UBE2G1: variants seen among roughly 807,000 people sequenced by gnomAD.
UBE2G1 encodes the protein ubiquitin-conjugating enzyme E2 G1.
UBE2G1 carries 5 observed loss-of-function variants against 22.7 expected under a neutral mutation model. The observed-to-expected ratio is 0.22, with a 90% CI of 0.12 to 0.46. UBE2G1 has a LOEUF of 0.46. Ranked by LOEUF, UBE2G1 falls within the 20% of genes least tolerant of loss-of-function variation. The pLI is 0.99. For synonymous variants in UBE2G1, 74 were observed against 67.5 expected (o/e 1.10, Z -0.47); for missense variants, 88 against 203.9 (o/e 0.43, Z 3.46).
At chr17:4,340,457 C>T (rs1488654283) in intron 1 of UBE2G1, among the ~76,000 whole-genome samples, 1 of 152,168 alleles carries the variant, frequency 6.6e-6, no homozygotes, top group South Asian at 2.1e-4. Flanking sequence ...ACTACAATTA[C>T]ATGTTGAGGG....
At chr17:4,313,140 A>C (rs900725468) in intron 1 of UBE2G1, among the ~76,000 whole-genome samples, 1 of 152,240 alleles carries the variant, frequency 6.6e-6, no homozygotes, top group Non-Finnish European at 1.5e-5. Context: ...AGATATAAAC[A>C]AAGAGGTATA....
intron 1 of UBE2G1, among the ~76,000 whole-genome samples, chr17:4,338,207 T>C (rs1969671846): frequency 6.6e-6 from 1 of 151,494 alleles, no homozygotes; most frequent in Admixed American, 6.6e-5. Context: ...GCGCTATATT[T>C]TGATGGGAGG....
At chr17:4,355,727 G>A (rs1157692254) in intron 1 of UBE2G1, among the ~76,000 whole-genome samples, 7 of 144,164 alleles carry the variant, frequency 4.9e-5, no homozygotes, top group African/African-American at 1.5e-4. Context: ...TTTCTGAGAC[G>A]GAATTTCTTG....
chr17:4,357,607 T>A (rs187259410), intron 1 of UBE2G1, among the ~76,000 whole-genome samples: 1 of 149,688 alleles, frequency 6.7e-6, no homozygotes, highest in East Asian at 2.0e-4. Flanking sequence ...ACCACAAAGA[T>A]CCCTCATGTT....
chr17:4,337,509 C>T (rs1403746578), intron 1 of UBE2G1, among the ~76,000 whole-genome samples: 2 of 151,462 alleles, frequency 1.3e-5, no homozygotes, highest in African/African-American at 2.4e-5. Context: ...AAATGTTAGC[C>T]AGGTGCGGTG....
In UBE2G1 at chr17:4,333,438, G is replaced by C. The variant is rs183743228; in HGVS notation, c.47-26315C>G. ...CTGTCTGTGATCCCAGCACTTGGGA[G>C]GTCGAGGCAGGCAGATCACCTGAGG... On this transcript the variant is annotated intron_variant, in intron 1 of 5. Transcript: ENST00000396981. Among the ~76,000 whole-genome samples the C allele has an allele frequency of 5.9e-5, 9 of 152,242 alleles. No individual in the cohort carries two copies. The East Asian group carries it at 1.7e-3, about 29-fold the overall frequency.
intron 2 of UBE2G1, chr17:4,302,192 T>C: frequency 2.0e-6 from 1 of 511,458 alleles, no homozygotes; most frequent in Non-Finnish European, 4.0e-6. Context: ...AATTTGGATT[T>C]TCTTTCCAGG....
At chr17:4,301,277 C>G (rs112003331) in intron 2 of UBE2G1, 1 of 396,080 alleles carries the variant, frequency 2.5e-6, no homozygotes. Flanking sequence ...GGCTGTGCTC[C>G]GTGGGCACTG....
At chr17:4,325,395 A>G (rs926200333) in intron 1 of UBE2G1, among the ~76,000 whole-genome samples, 2 of 152,340 alleles carry the variant, frequency 1.3e-5, no homozygotes, top group South Asian at 2.1e-4. Flanking sequence ...TTGTTTTTAA[A>G]TAACTCTTAA....
intron 1 of UBE2G1, among the ~76,000 whole-genome samples, chr17:4,340,594 T>G (rs1598200307): frequency 6.6e-6 from 1 of 152,252 alleles, no homozygotes. Flanking sequence ...CACTTCTCTC[T>G]CCTGCCGCCA....
At chr17:4,358,607 T>C (rs917236135) in intron 1 of UBE2G1, among the ~76,000 whole-genome samples, 1 of 152,232 alleles carries the variant, frequency 6.6e-6, no homozygotes, top group East Asian at 1.9e-4. Flanking sequence ...ATTTTCATGA[T>C]GTCCAGTTTA....
rs116695834 is a variant in UBE2G1, at chr17:4,355,046, G to A, written c.46+11225C>T. On this transcript the variant is annotated intron_variant, in intron 1 of 5. Coordinates refer to ENST00000396981, the MANE Select transcript of UBE2G1 (RefSeq NM_003342.5). ...AGTGGAGGGTGCAGCGGGCCTTGATGTTGCCACTGCACTCTAGTCCGGACA... is the reference window on the plus strand; with the variant it reads ...AGTGGAGGGTGCAGCGGGCCTTGATATTGCCACTGCACTCTAGTCCGGACA... Among the ~76,000 whole-genome samples the A allele has an allele frequency of 7.1e-3, 1,078 of 152,122 alleles. 14 individuals are homozygous for A. Among genetic ancestry groups the A allele is most frequent in the African/African-American group, 0.023 (970 of 41,488 alleles).
intron 1 of UBE2G1, among the ~76,000 whole-genome samples, chr17:4,309,684 C>T (rs1245003533): frequency 1.3e-5 from 2 of 152,190 alleles, no homozygotes; most frequent in East Asian, 3.8e-4. Flanking sequence ...TAGAGAAACA[C>T]CATTACATTA....
At chr17:4,346,431 C>CTTTTTTTTTTTT (rs67852481) in intron 1 of UBE2G1, among the ~76,000 whole-genome samples, 3 of 120,530 alleles carry the variant, frequency 2.5e-5, no homozygotes, top group Non-Finnish European at 5.0e-5. Flanking sequence ...TTTTCTTCTT[C>CTTTTTTTTTTTT]TTTTTTTTTT....
At chr17:4,304,953 C>CA (rs1000431549) in intron 2 of UBE2G1, among the ~76,000 whole-genome samples, 1 of 137,134 alleles carries the variant, frequency 7.3e-6, no homozygotes, top group Non-Finnish European at 1.6e-5. Flanking sequence ...TTTTTAAGAA[C>CA]TTTTTTTTTT....
intron 2 of UBE2G1, chr17:4,301,485 C>T (rs1969179329): frequency 1.2e-6 from 1 of 846,902 alleles, no homozygotes; most frequent in Non-Finnish European, 2.0e-6. Context: ...TCCTGCTGCC[C>T]TTCAGACTCA....
At chr17:4,322,084 C>T (rs1486834606) in intron 1 of UBE2G1, among the ~76,000 whole-genome samples, 17 of 152,150 alleles carry the variant, frequency 1.1e-4, no homozygotes, top group Non-Finnish European at 1.5e-5. Context: ...TATTAAACTA[C>T]TTTTAATGGA....
intron 1 of UBE2G1, among the ~76,000 whole-genome samples, chr17:4,356,513 G>C (rs1969908252): frequency 6.6e-6 from 1 of 151,704 alleles, no homozygotes; most frequent in Admixed American, 6.6e-5. Flanking sequence ...AAACTTTTAT[G>C]CTGATCCTTT....
At chr17:4,321,067 G>A (rs183978199) in intron 1 of UBE2G1, among the ~76,000 whole-genome samples, 315 of 152,272 alleles carry the variant, frequency 2.1e-3, no homozygotes, top group African/African-American at 7.1e-3. Flanking sequence ...AAAATCTCTT[G>A]AGCCCAGGAG....
Sources: gnomAD v4.1 joint callset for allele counts (sites outside exome capture counted in the v4.1 genomes callset) on GRCh38, gnomAD v4.1.1 for gene constraint, MANE v1.5 for transcripts, NCBI Gene and HGNC (gene_info 2026-07-23, HGNC 2026-07-21) for gene names.